The following UBE2E2 variants were observed in gnomAD, a reference collection of about 807,000 sequenced individuals.
The protein encoded by UBE2E2 is ubiquitin-conjugating enzyme E2 E2.
A neutral mutation model predicts 24.7 loss-of-function variants in UBE2E2; 6 were observed. That is an observed-to-expected ratio of 0.24 (90% CI 0.13 to 0.48). The LOEUF (loss-of-function observed/expected upper bound fraction) is 0.48. UBE2E2 is among the 20% of genes least tolerant of loss of function. The probability of loss-of-function intolerance (pLI) is 0.99; values close to 1 mark genes in which losing one functional copy is unlikely to be tolerated. For synonymous variants in UBE2E2, 104 were observed against 83.6 expected, an observed-to-expected ratio of 1.24 and a Z score of -1.33; for missense variants, 169 against 245.0, an observed-to-expected ratio of 0.69 and a Z score of 2.07.
chr3:23,566,841 A>G (rs561822720), intron 5 of UBE2E2, among the ~76,000 whole-genome samples: 132 of 152,252 alleles, frequency 8.7e-4, no homozygotes, highest in African/African-American at 2.9e-3. Flanking sequence ...CATATCAAGA[A>G]AGTATTTGGT....
intron 3 of UBE2E2, among the ~76,000 whole-genome samples, chr3:23,362,408 A>G (rs1029395975): frequency 6.6e-6 from 1 of 152,124 alleles, no homozygotes; most frequent in Admixed American, 6.5e-5. Flanking sequence ...TGGGCCCTGG[A>G]GCAGACCAAC....
chr3:23,543,465 T>C (rs1331527910), intron 5 of UBE2E2, among the ~76,000 whole-genome samples: 1 of 151,390 alleles, frequency 6.6e-6, no homozygotes, highest in African/African-American at 2.4e-5. Flanking sequence ...TTACAATAGC[T>C]GCAAAAATAA....
intron 3 of UBE2E2, among the ~76,000 whole-genome samples, chr3:23,493,397 T>C (rs542157716): frequency 6.6e-6 from 1 of 152,348 alleles, no homozygotes; most frequent in South Asian, 2.1e-4. Context: ...TTTGATTCTG[T>C]TGCAGAATTT....
intron 4 of UBE2E2, among the ~76,000 whole-genome samples, chr3:23,513,045 C>T (rs773762283): frequency 5.9e-5 from 9 of 152,122 alleles, no homozygotes; most frequent in Non-Finnish European, 1.3e-4. Context: ...GCATTTTAAA[C>T]TCTATCTCTG....
At chr3:23,436,617 C>T (rs1322775561) in intron 3 of UBE2E2, among the ~76,000 whole-genome samples, 3 of 151,702 alleles carry the variant, frequency 2.0e-5, no homozygotes, top group African/African-American at 7.3e-5. Context: ...TGAGCCGCTA[C>T]ACTCCAACCT....
intron 5 of UBE2E2, among the ~76,000 whole-genome samples, chr3:23,582,030 A>G (rs991684241): frequency 6.6e-6 from 1 of 152,134 alleles, no homozygotes; most frequent in Admixed American, 6.5e-5. Context: ...AAGCATAGGT[A>G]GTTTTTCTAT....
At chr3:23,303,046 A>G (rs904094318) in intron 3 of UBE2E2, among the ~76,000 whole-genome samples, 1 of 152,152 alleles carries the variant, frequency 6.6e-6, no homozygotes, top group Non-Finnish European at 1.5e-5. Context: ...CATTGCTGGC[A>G]TTACCGCCTG....
intron 3 of UBE2E2, among the ~76,000 whole-genome samples, chr3:23,440,811 G>A (rs925749851): frequency 6.6e-6 from 1 of 152,172 alleles, no homozygotes; most frequent in South Asian, 2.1e-4. Flanking sequence ...AAAGTGTCCT[G>A]AAGTCATTTC....
chr3:23,380,295 C>T (rs902562300), intron 3 of UBE2E2, among the ~76,000 whole-genome samples: 4 of 152,178 alleles, frequency 2.6e-5, no homozygotes, highest in African/African-American at 9.7e-5. Flanking sequence ...TCCTAGCTCA[C>T]TGCAGCCTGG....
chr3:23,318,604 AG>A (rs1216231687), intron 3 of UBE2E2, among the ~76,000 whole-genome samples: 2 of 152,050 alleles, frequency 1.3e-5, no homozygotes, highest in African/African-American at 4.8e-5. Flanking sequence ...ATGTGGTGGC[AG>A]GCATGAGAGA....
chr3:23,409,377 A>C (rs1341277531), intron 3 of UBE2E2, among the ~76,000 whole-genome samples: 1 of 152,208 alleles, frequency 6.6e-6, no homozygotes, highest in Non-Finnish European at 1.5e-5. Flanking sequence ...TCAAGTATTA[A>C]TATGATGTAC....
At chr3:23,452,674 G>A (rs1698591531) in intron 3 of UBE2E2, among the ~76,000 whole-genome samples, 1 of 152,084 alleles carries the variant, frequency 6.6e-6, no homozygotes, top group Non-Finnish European at 1.5e-5. Flanking sequence ...ATTCTGTGTT[G>A]GTCAAAGATG....
intron 3 of UBE2E2, among the ~76,000 whole-genome samples, chr3:23,377,084 C>G (rs1322171334): frequency 1.3e-5 from 2 of 152,182 alleles, no homozygotes; most frequent in Non-Finnish European, 2.9e-5. Flanking sequence ...ATACTTTTCT[C>G]TAATTACTAT....
At chr3:23,415,157 CT>C (rs1187128389) in intron 3 of UBE2E2, among the ~76,000 whole-genome samples, 3 of 152,154 alleles carry the variant, frequency 2.0e-5, no homozygotes, top group South Asian at 2.1e-4. Flanking sequence ...TTATTTCTAA[CT>C]TTTTTTATGC....
intron 3 of UBE2E2, among the ~76,000 whole-genome samples, chr3:23,466,482 T>C (rs755207333): frequency 1.3e-4 from 20 of 152,246 alleles, no homozygotes; most frequent in Non-Finnish European, 2.5e-4. Context: ...ATTTTGTCCC[T>C]TGCAGAATAT....
intron 3 of UBE2E2, among the ~76,000 whole-genome samples, chr3:23,420,846 T>G (rs1036190886): frequency 8.5e-5 from 13 of 152,218 alleles, no homozygotes; most frequent in African/African-American, 3.1e-4. Context: ...TGTTACTGTA[T>G]TTAGGCCCAC....
At chr3:23,523,537 C>T (rs2125477253) in intron 4 of UBE2E2, among the ~76,000 whole-genome samples, 1 of 130,922 alleles carries the variant, frequency 7.6e-6, no homozygotes, top group African/African-American at 2.9e-5. Flanking sequence ...CATCTTTATG[C>T]ATTATGGTTT....
At chr3:23,353,388 C>T (rs999147641) in intron 3 of UBE2E2, among the ~76,000 whole-genome samples, 1 of 151,904 alleles carries the variant, frequency 6.6e-6, no homozygotes, top group Non-Finnish European at 1.5e-5. Context: ...CTGGCCAGGG[C>T]AGTTAGGCAG....
chr3:23,254,560 G>A (rs951255692), intron 3 of UBE2E2, among the ~76,000 whole-genome samples: 1 of 152,154 alleles, frequency 6.6e-6, no homozygotes. Flanking sequence ...TAAAAATCCA[G>A]TACATTGGCT....
Sources: gnomAD v4.1 joint callset for allele counts (sites outside exome capture counted in the v4.1 genomes callset) on GRCh38, gnomAD v4.1.1 for gene constraint, MANE v1.5 for transcripts, NCBI Gene and HGNC (gene_info 2026-07-23, HGNC 2026-07-21) for gene names.